The following ERBB4 variants were observed in gnomAD, a reference collection of about 807,000 sequenced individuals.
ERBB4 encodes receptor tyrosine-protein kinase erbB-4.
ERBB4 carries 42 observed loss-of-function variants against 158.0 expected under a neutral mutation model. The observed-to-expected ratio is 0.27, with a 90% CI of 0.21 to 0.34. The LOEUF (loss-of-function observed/expected upper bound fraction) is 0.34. ERBB4 is among the 10% of genes least tolerant of loss of function. The pLI is 1.00. For synonymous variants in ERBB4, 583 were observed against 558.7 expected, an observed-to-expected ratio of 1.04 and a Z score of -0.61; for missense variants, 1,333 against 1,624.1, an observed-to-expected ratio of 0.82 and a Z score of 3.08.
intron 3 of ERBB4, among the ~76,000 whole-genome samples, chr2:211,910,363 A>G (rs2079511246): frequency 6.7e-6 from 1 of 148,548 alleles, no homozygotes; most frequent in Admixed American, 6.8e-5. Flanking sequence ...GAGGCTGGAT[A>G]TGAGACCTTT....
chr2:212,217,180 T>C lies in ERBB4; in HGVS notation c.83-92277A>G, dbSNP rs182449950. ...TTTTGACAGTGAAAAAGGCAATGGA[T>C]ACTTGCTCTATTTTGCAGCAGCCTA... On this transcript the variant is annotated intron_variant, in intron 1 of 27. Coordinates refer to ENST00000342788, the MANE Select transcript of ERBB4 (RefSeq NM_005235.3). 4.7e-4 allele frequency among the ~76,000 whole-genome samples: 71 copies of C among 151,502 alleles called. 1 individual carries two copies. The highest frequency in any genetic ancestry group is 2.3e-3 in the East Asian group (12 of 5,168).
At chr2:212,417,579 G>A (rs1473731353) in intron 1 of ERBB4, among the ~76,000 whole-genome samples, 1 of 151,942 alleles carries the variant, frequency 6.6e-6, no homozygotes, top group African/African-American at 2.4e-5. Context: ...CTTGTCCCAA[G>A]CATTTTGGAT....
chr2:212,154,106 C>T (rs1286914899), intron 1 of ERBB4, among the ~76,000 whole-genome samples: 1 of 152,060 alleles, frequency 6.6e-6, no homozygotes, highest in Non-Finnish European at 1.5e-5. Flanking sequence ...CAATGACTGG[C>T]ATTTATTAAG....
intron 1 of ERBB4, among the ~76,000 whole-genome samples, chr2:212,458,302 A>G (rs1442975032): frequency 6.6e-6 from 1 of 152,124 alleles, no homozygotes; most frequent in African/African-American, 2.4e-5. Flanking sequence ...GAATCAGGAA[A>G]AAAATGGTAA....
chr2:212,470,324 T>C (rs1248299440), intron 1 of ERBB4, among the ~76,000 whole-genome samples: 5 of 152,044 alleles, frequency 3.3e-5, no homozygotes, highest in African/African-American at 1.2e-4. Flanking sequence ...ATCATTAGCT[T>C]TGAGGTGAAA....
rs1397281573 is a variant in ERBB4 at position 211,378,305 on chromosome 2, T to C, written c.*5310A>G. On this transcript the variant is annotated 3_prime_UTR_variant, in exon 28 of 28. Coordinates refer to ENST00000342788, the MANE Select transcript of ERBB4 (RefSeq NM_005235.3). ...TGGGGCTTAGAGTCATTTTAGCTTG[T>C]GACTATAGAAGCATTTACTTCTGCC... 8.6e-6 allele frequency: 2 copies of C among 232,774 alleles called. No homozygotes were observed. Among genetic ancestry groups the C allele is most frequent in the Non-Finnish European group, 8.5e-6 (1 of 117,626 alleles). The allele number at this position is 232,774 out of a possible 1,614,324, so 14.4% of individuals were successfully genotyped here.
intron 25 of ERBB4, among the ~76,000 whole-genome samples, chr2:211,414,500 TAA>T (rs71047174): frequency 3.9e-5 from 4 of 102,112 alleles, no homozygotes; most frequent in East Asian, 2.7e-4. Flanking sequence ...CAGTCTCAAT[TAA>T]AAAAAAAAAA....
intron 1 of ERBB4, among the ~76,000 whole-genome samples, chr2:212,213,232 C>T (rs2082993918): frequency 6.6e-6 from 1 of 151,672 alleles, no homozygotes; most frequent in South Asian, 2.1e-4. Flanking sequence ...AAAAAACAAC[C>T]CCATCAGAAA....
intron 1 of ERBB4, among the ~76,000 whole-genome samples, chr2:212,165,527 G>T (rs970570543): frequency 2.0e-5 from 3 of 151,966 alleles, no homozygotes; most frequent in Non-Finnish European, 4.4e-5. Context: ...TGAGATAGAA[G>T]AAGTGGGCTG....
At chr2:212,121,285 G>A (rs1388030034) in intron 2 of ERBB4, among the ~76,000 whole-genome samples, 2 of 152,178 alleles carry the variant, frequency 1.3e-5, no homozygotes, top group African/African-American at 4.8e-5. Flanking sequence ...AGGCTGGAGT[G>A]CAGTGGTGTG....
Position 212,160,974 on chromosome 2 carries a change from T to C in ERBB4, c.83-36071A>G, listed in dbSNP as rs183650741. Among the ~76,000 whole-genome samples the C allele has an allele frequency of 8.5e-5, 13 of 152,058 alleles. No homozygotes were observed. The East Asian group carries it at 2.1e-3, about 25-fold the overall frequency. ...ATTGCCAAAGAAGCACTGCAAATGA[T>C]AACAAAGTAGAGTGAAATAAAATTA... On this transcript the variant is annotated intron_variant, in intron 1 of 27. Transcript: ENST00000342788.
intron 1 of ERBB4, among the ~76,000 whole-genome samples, chr2:212,417,822 C>A (rs1410451089): frequency 6.6e-6 from 1 of 151,818 alleles, no homozygotes; most frequent in Admixed American, 6.6e-5. Flanking sequence ...ATCAGTATTC[C>A]TTTTCAGCTA....
chr2:212,335,729 C>T (rs1029133790), intron 1 of ERBB4, among the ~76,000 whole-genome samples: 1 of 152,012 alleles, frequency 6.6e-6, no homozygotes, highest in East Asian at 1.9e-4. Context: ...ACGTAAAGAA[C>T]GAGATACTAT....
chr2:211,867,434 T>C (rs1434342943), intron 3 of ERBB4, among the ~76,000 whole-genome samples: 1 of 152,170 alleles, frequency 6.6e-6, no homozygotes, highest in African/African-American at 2.4e-5. Context: ...GATTTAATGA[T>C]AAAATAAGAA....
Position 211,383,524 on chromosome 2 carries a change from CT to C in ERBB4, c.*90del, listed in dbSNP as rs1225960494. 2 of 1,063,264 alleles carry C rather than the reference CT, an allele frequency of 1.9e-6. No homozygotes were observed. Among genetic ancestry groups the C allele is most frequent in the Non-Finnish European group, 2.9e-6 (2 of 687,890 alleles). 65.9% of individuals were successfully genotyped at this position (1,063,264 alleles called of 1,614,324 possible). A position where few individuals can be genotyped will look rare whatever the true frequency, so the allele number is the denominator to read the frequency against. On this transcript the variant is annotated 3_prime_UTR_variant, in exon 28 of 28. Transcript: ENST00000342788. ...ACTGGGAAGTGTCAAAACTACTGGC[CT>C]TGGGGTAGAAGGAAGACCACCAGAG... is the stretch of plus-strand genomic sequence containing the variant.
chr2:211,906,929 G>A (rs1226823369), intron 3 of ERBB4, among the ~76,000 whole-genome samples: 1 of 151,578 alleles, frequency 6.6e-6, no homozygotes, highest in East Asian at 2.0e-4. Flanking sequence ...ATGTCTATGT[G>A]CCTTAGTTAT....
At chr2:212,111,145 A>G (rs1004402460) in intron 2 of ERBB4, among the ~76,000 whole-genome samples, 1 of 152,332 alleles carries the variant, frequency 6.6e-6, no homozygotes, top group Non-Finnish European at 1.5e-5. Context: ...CACATCTGCC[A>G]AATGTCCCAG....
intron 1 of ERBB4, among the ~76,000 whole-genome samples, chr2:212,367,528 TC>T (rs2089935447): frequency 6.6e-6 from 1 of 152,032 alleles, no homozygotes; most frequent in Admixed American, 6.6e-5. Context: ...ATTGGCTTAG[TC>T]AAGGATTTCA....
At chr2:211,750,731 A>G in intron 4 of ERBB4, 27 bp from the exon 5 acceptor site, 2 of 1,597,830 alleles carry the variant, frequency 1.3e-6, no homozygotes, top group Non-Finnish European at 8.6e-7. Context: ...GGGAAAAAGG[A>G]CATGCACGTT....
Sources: allele counts gnomAD v4.1 joint callset (sites outside exome capture counted in the v4.1 genomes callset), GRCh38; gene constraint gnomAD v4.1.1; transcripts MANE v1.5; gene names NCBI Gene and HGNC (gene_info 2026-07-23, HGNC 2026-07-21).